Variants in GRIN1 observed in about 807,000 individuals in gnomAD.
The protein encoded by GRIN1 is glutamate receptor ionotropic, NMDA 1.
A neutral mutation model predicts 103.0 loss-of-function variants in GRIN1; 38 were observed. That is an observed-to-expected ratio of 0.37 (90% confidence interval 0.28 to 0.48). The LOEUF (loss-of-function observed/expected upper bound fraction) is 0.48, where lower values mean the gene tolerates loss of function less well. GRIN1 is among the 20% of genes least tolerant of loss of function. The probability of loss-of-function intolerance (pLI) is 0.98; values close to 1 mark genes in which losing one functional copy is unlikely to be tolerated. For synonymous variants in GRIN1, 544 were observed against 532.7 expected (o/e 1.02, Z -0.29); for missense variants, 577 against 1,288.9 (o/e 0.45, Z 8.46).
chr9:137,148,189 C>CCTATGA, intron 3 of GRIN1: 1 of 1,547,142 alleles, frequency 6.5e-7, no homozygotes, highest in Non-Finnish European at 8.7e-7. Flanking sequence ...GACCAACTGT[C>CCTATGA]CTATGACAAC....
intron 3 of GRIN1, 87 bp from the exon 4 acceptor site, chr9:137,148,922 T>C: frequency 1.0e-6 from 1 of 957,574 alleles, no homozygotes; most frequent in Non-Finnish European, 1.6e-6. Flanking sequence ...TGCCTCGGGG[T>C]TCCCAGCGGC....
Position 137,168,638 on chromosome 9 carries a change from T to C in GRIN1, c.*1111T>C. The stretch of plus-strand genomic sequence containing the variant: ...ACTCCCAGGGCCCGAGCGCGTGCCT[T>C]CCCCGTGCGGCCCGTGCGCAGCCGC... On this transcript the variant is annotated 3_prime_UTR_variant, in exon 20 of 20. Transcript: ENST00000371561. 1 of 340,014 alleles carries C rather than the reference T, an allele frequency of 2.9e-6. No homozygotes were observed. Among genetic ancestry groups the C allele is most frequent in the East Asian group, 4.7e-5 (1 of 21,070 alleles). 21.1% of individuals were successfully genotyped at this position (340,014 alleles called of 1,614,324 possible).
chr9:137,158,151 C>T (rs1042040849), intron 6 of GRIN1, among the ~76,000 whole-genome samples: 8 of 152,228 alleles, frequency 5.3e-5, no homozygotes, highest in East Asian at 1.9e-4. Flanking sequence ...TGAACCACAC[C>T]GTCCATCTGG....
chr9:137,165,795 C>T (rs779951971), intron 19 of GRIN1, among the ~76,000 whole-genome samples: 4 of 152,230 alleles, frequency 2.6e-5, no homozygotes, highest in Admixed American at 1.3e-4. Context: ...CCATCCCGTC[C>T]GTCTGTCTGG....
Position 137,162,029 on chromosome 9 carries a change from C to G in GRIN1, c.1573C>G (p.Gln525Glu). The change falls in exon 11 of 20, where the codon CAG (glutamine) becomes GAG (glutamate). Residue 525 changes from glutamine to glutamate, a missense_variant. Physicochemically the swap from Gln to Glu is conservative, Grantham distance 29. Transcript: ENST00000371561. ...APLTINNERAQYIEFSKPFKY... is the reference protein window; with the variant it reads ...APLTINNERAEYIEFSKPFKY... ...GCTAACCATAAACAACGAGCGCGCG[C>G]AGTACATCGAGTTTTCCAAGCCCTT... The G allele has an allele frequency of 6.4e-7, 1 of 1,553,806 alleles. No individual in the cohort carries two copies. The highest frequency in any genetic ancestry group is 8.7e-7 in the Non-Finnish European group (1 of 1,149,260).
At chr9:137,163,706 G>A (rs199572910) in intron 17 of GRIN1, 38 bp downstream of exon 17, 7 of 1,613,222 alleles carry the variant, frequency 4.3e-6, no homozygotes, top group African/African-American at 1.3e-5. Context: ...TGGGTTCTCC[G>A]TGGGCTGCGG....
At chr9:137,150,309 C>G in intron 4 of GRIN1, among the ~76,000 whole-genome samples, 1 of 152,150 alleles carries the variant, frequency 6.6e-6, no homozygotes, top group East Asian at 1.9e-4. Flanking sequence ...ATGCCCCGCC[C>G]AGGGAAAGAC....
chr9:137,161,097 C>G lies in GRIN1; in HGVS notation c.1239C>G (p.Pro413=). 2 of 1,612,954 alleles carry G rather than the reference C, an allele frequency of 1.2e-6. No homozygotes were observed. ...IHQEPFVYVK[P]TLSDGTCKEE... is the part of the protein sequence containing the mutation. Reference sequence around the variant, plus strand: ...AGGAGCCCTTCGTGTACGTCAAGCCCACGCTGAGTGATGGGACATGCAAGG... The same window carrying G: ...AGGAGCCCTTCGTGTACGTCAAGCCGACGCTGAGTGATGGGACATGCAAGG... Residue 413 remains proline (P), a synonymous_variant, in exon 9 of 20, where the codon CCC becomes CCG. Coordinates refer to ENST00000371561, the MANE Select transcript of GRIN1 (RefSeq NM_007327.4).
chr9:137,151,389 C>CTA (rs1832903579), intron 4 of GRIN1, among the ~76,000 whole-genome samples: 1 of 146,540 alleles, frequency 6.8e-6, no homozygotes, highest in African/African-American at 2.5e-5. Flanking sequence ...GAAAGCCCAG[C>CTA]CCAGAAAAAG....
Position 137,167,669 on chromosome 9 carries a change from C to G in GRIN1, c.*142C>G. Reference sequence around the variant, plus strand: ...CCCAGCCTCCCCCAGGCTGCGCCTGCCCGCCCGCCGGTTGGCCGGCTGGCC... The same window carrying G: ...CCCAGCCTCCCCCAGGCTGCGCCTGGCCGCCCGCCGGTTGGCCGGCTGGCC... On this transcript the variant is annotated 3_prime_UTR_variant, in exon 20 of 20. Transcript: ENST00000371561. The G allele has an allele frequency of 2.0e-6, 3 of 1,532,574 alleles. No individual in the cohort carries two copies. The highest frequency in any genetic ancestry group is 2.6e-6 in the Non-Finnish European group (3 of 1,140,590). The allele number at this position is 1,532,574 out of a possible 1,614,324, so 94.9% of individuals were successfully genotyped here.
At position 137,162,154 on chromosome 9, in the gene GRIN1, C is replaced by A; in HGVS notation, c.1633-18C>A. ...CCCTGGAGGGCCCGGGCCGCGCTGACCTCGCGTCCCTCCGCAGGAGATTCC... is the reference window on the plus strand; with the variant it reads ...CCCTGGAGGGCCCGGGCCGCGCTGAACTCGCGTCCCTCCGCAGGAGATTCC... On this transcript the variant is annotated intron_variant, in intron 11 of 19. Transcript: ENST00000371561. 1.9e-6 allele frequency: 3 copies of A among 1,542,986 alleles called. No homozygotes were observed. Among genetic ancestry groups the A allele is most frequent in the South Asian group, 1.2e-5 (1 of 83,972 alleles).
At position 137,156,658 on chromosome 9, in the gene GRIN1, C is replaced by A; in HGVS notation, c.672-11C>A. On this transcript the variant is annotated splice_polypyrimidine_tract_variant and intron_variant, in intron 4 of 19. Transcript: ENST00000371561. ...TGGAGTCCTGGCCCGTCATCCCCGTCTGCCCCACAGCGAGGACGATGCTGC... is the reference window on the plus strand; with the variant it reads ...TGGAGTCCTGGCCCGTCATCCCCGTATGCCCCACAGCGAGGACGATGCTGC... 2 of 1,600,052 alleles carry A rather than the reference C, an allele frequency of 1.2e-6. No individual in the cohort carries two copies. The highest frequency in any genetic ancestry group is 1.7e-6 in the Non-Finnish European group (2 of 1,174,942).
chr9:137,160,927 G>C, intron 8 of GRIN1, 129 bp from the exon 9 acceptor site: 1 of 1,207,088 alleles, frequency 8.3e-7, no homozygotes, highest in Non-Finnish European at 1.2e-6. Flanking sequence ...CGGCGGCGCA[G>C]GGCGGGGGGT....
chr9:137,146,035 G>A lies in GRIN1; in HGVS notation c.570+133G>A, dbSNP rs1016734218. On this transcript the variant is annotated intron_variant, in intron 3 of 19. Transcript: ENST00000371561. This position sits in a 1 kb window ranked among gnomAD's most constrained non-coding sequence, Gnocchi z 6.7. The stretch of plus-strand genomic sequence containing the variant: ...GTCAGCACCACCACGTCTGGCGAGC[G>A]CCCGCCCCAGCCTGTCCTCGGCTCA... 15 of 658,128 alleles carry A rather than the reference G, an allele frequency of 2.3e-5. No homozygotes were observed. Among genetic ancestry groups the A allele is most frequent in the East Asian group, 1.4e-4 (5 of 36,528 alleles). 40.8% of individuals were successfully genotyped at this position (658,128 alleles called of 1,614,324 possible).
intron 10 of GRIN1, 99 bp downstream of exon 10, chr9:137,161,515 G>T: frequency 8.5e-7 from 1 of 1,172,418 alleles, no homozygotes; most frequent in Non-Finnish European, 1.2e-6. Flanking sequence ...CAGATGGTGG[G>T]GGGTCCTGGG....
intron 3 of GRIN1, among the ~76,000 whole-genome samples, chr9:137,147,909 G>A (rs1832640333): frequency 2.0e-5 from 3 of 152,260 alleles, no homozygotes; most frequent in South Asian, 2.1e-4. Context: ...TCCCGAGAGC[G>A]ACCGTTTCCA....
chr9:137,154,693 C>G (rs1339939863), intron 4 of GRIN1, among the ~76,000 whole-genome samples: 1 of 151,924 alleles, frequency 6.6e-6, no homozygotes, highest in Non-Finnish European at 1.5e-5. Context: ...CTCAGGAGAC[C>G]TGCCCGCCTC....
Position 137,148,569 on chromosome 9 carries a change from G to A in GRIN1, c.571-440G>A, listed in dbSNP as rs1487176846. Among the ~76,000 whole-genome samples the A allele has an allele frequency of 3.3e-5, 5 of 152,368 alleles. No individual in the cohort carries two copies. In the Middle Eastern group the frequency reaches 0.01, roughly 311 times the overall value. ...CTCGCCGGGGCCGGGCTGCTCCTCA[G>A]GGGCCTGCGGAATCAAACCTCAGAG... On this transcript the variant is annotated intron_variant, in intron 3 of 19. Coordinates refer to ENST00000371561, the MANE Select transcript of GRIN1 (RefSeq NM_007327.4).
Position 137,143,865 on chromosome 9 carries a change from G to C in GRIN1, c.393+1718G>C, listed in dbSNP as rs147567470. On this transcript the variant is annotated intron_variant, in intron 2 of 19. Transcript: ENST00000371561. ...ACACTGAAGGAACCAGGGCTTACCTGGACAGACACAGAGAACTGAGGCAGA... is the reference window on the plus strand; with the variant it reads ...ACACTGAAGGAACCAGGGCTTACCTCGACAGACACAGAGAACTGAGGCAGA... Among the ~76,000 whole-genome samples the C allele has an allele frequency of 3.6e-3, 541 of 152,324 alleles. 8 individuals carry two copies. The highest frequency in any genetic ancestry group is 9.1e-3 in the East Asian group (47 of 5,176).
Sources: allele counts gnomAD v4.1 joint callset (sites outside exome capture counted in the v4.1 genomes callset), GRCh38; gene constraint gnomAD v4.1.1; non-coding constraint Gnocchi (gnomAD v3.1); transcripts MANE v1.5; gene names NCBI Gene and HGNC (gene_info 2026-07-23, HGNC 2026-07-21).